The following TBCEL variants were observed in gnomAD, a reference collection of about 807,000 sequenced individuals.
The protein encoded by TBCEL is tubulin folding cofactor E like, also known as tubulin-specific chaperone cofactor E-like protein.
TBCEL carries 15 observed loss-of-function variants against 44.2 expected under a neutral mutation model. The ratio of observed to expected loss-of-function variants is 0.34; its 90% CI spans 0.23 to 0.52. TBCEL has a LOEUF of 0.52. Among genes scored for constraint, TBCEL ranks in the 20% least tolerant of loss-of-function variants. The pLI, the probability that TBCEL is intolerant of heterozygous loss-of-function variation, is 0.95. For synonymous variants in TBCEL, 171 were observed against 185.4 expected (o/e 0.92, Z 0.63); for missense variants, 319 against 506.3 (o/e 0.63, Z 3.55).
chr11:121,071,807 T>G (rs927162396), intron 8 of TBCEL, among the ~76,000 whole-genome samples: 1 of 152,218 alleles, frequency 6.6e-6, no homozygotes, highest in Admixed American at 6.5e-5. Flanking sequence ...ACCACCTCAA[T>G]GAAGGCTTAT....
intron 8 of TBCEL, among the ~76,000 whole-genome samples, chr11:121,074,234 A>G (rs555791885): frequency 1.3e-5 from 2 of 152,008 alleles, no homozygotes; most frequent in Non-Finnish European, 2.9e-5. Context: ...TTTAAAAAGG[A>G]TGTATACTAC....
intron 2 of TBCEL, among the ~76,000 whole-genome samples, chr11:121,043,021 A>G (rs1945362063): frequency 6.6e-6 from 1 of 152,142 alleles, no homozygotes; most frequent in African/African-American, 2.4e-5. Flanking sequence ...TAATCCAACT[A>G]GTGCATTTGT....
chr11:121,060,150 T>C, intron 8 of TBCEL, 65 bp downstream of exon 8: 2 of 1,118,570 alleles, frequency 1.8e-6, no homozygotes, highest in Admixed American at 1.9e-5. Context: ...ACTCTAGTGT[T>C]AGAGCAAAAT....
intron 1 of TBCEL, among the ~76,000 whole-genome samples, chr11:121,034,868 C>T (rs150738894): frequency 6.6e-6 from 1 of 152,168 alleles, no homozygotes; most frequent in East Asian, 1.9e-4. Context: ...TCTGAAAACG[C>T]TTCATCTCTA....
At chr11:121,024,568 T>G (rs1403842177) in intron 1 of TBCEL, among the ~76,000 whole-genome samples, 3 of 150,652 alleles carry the variant, frequency 2.0e-5, no homozygotes, top group African/African-American at 4.9e-5. Flanking sequence ...TGGTCCCGGG[T>G]TGGAGGAGGG....
At chr11:121,080,549 A>G (rs926460098) in intron 8 of TBCEL, among the ~76,000 whole-genome samples, 4 of 152,320 alleles carry the variant, frequency 2.6e-5, no homozygotes, top group South Asian at 2.1e-4. Context: ...CTGATTCTAG[A>G]CAAAGTTTCA....
At chr11:121,057,540 AG>A (rs1355401406) in intron 6 of TBCEL, 3 of 448,380 alleles carry the variant, frequency 6.7e-6, no homozygotes, top group Non-Finnish European at 8.9e-6. Context: ...TTGATAATAC[AG>A]TCAACCCTCC....
chr11:121,039,780 A>G (rs1945298880), intron 2 of TBCEL, among the ~76,000 whole-genome samples: 1 of 152,220 alleles, frequency 6.6e-6, no homozygotes, highest in African/African-American at 2.4e-5. Flanking sequence ...GACCCAAGGA[A>G]CCTAAAGGTG....
intron 8 of TBCEL, among the ~76,000 whole-genome samples, chr11:121,076,510 A>G (rs1368904206): frequency 6.6e-6 from 1 of 152,004 alleles, no homozygotes; most frequent in Non-Finnish European, 1.5e-5. Flanking sequence ...TGGTATTTGT[A>G]ATTGACTTTG....
At chr11:121,071,327 T>C (rs1012469845) in intron 8 of TBCEL, among the ~76,000 whole-genome samples, 2 of 152,230 alleles carry the variant, frequency 1.3e-5, no homozygotes, top group Non-Finnish European at 2.9e-5. Flanking sequence ...CAGCATATCA[T>C]GTATCTTTGG....
intron 8 of TBCEL, among the ~76,000 whole-genome samples, chr11:121,083,538 C>T (rs1273677738): frequency 6.6e-6 from 1 of 152,148 alleles, no homozygotes; most frequent in African/African-American, 2.4e-5. Flanking sequence ...TTTAGATGTA[C>T]TTGCCCATTT....
In TBCEL at chr11:121,087,140, C is replaced by T. The variant is rs753158839; in HGVS notation, c.*44C>T. On this transcript the variant is annotated 3_prime_UTR_variant, in exon 9 of 9. Transcript: ENST00000683345. ...AAAACATACACATAAGGACTTGTTG[C>T]AGGGCATTTGTTTTTAATGTGGTTT... 6.5e-6 allele frequency: 10 copies of T among 1,541,964 alleles called. No individual in the cohort carries two copies. The highest frequency in any genetic ancestry group is 8.8e-6 in the Non-Finnish European group (10 of 1,138,780).
chr11:121,075,308 T>C (rs1407019391), intron 8 of TBCEL, among the ~76,000 whole-genome samples: 1 of 151,944 alleles, frequency 6.6e-6, no homozygotes, highest in Non-Finnish European at 1.5e-5. Flanking sequence ...GACAGCTTTT[T>C]CAATGGACAG....
chr11:121,072,991 G>GTTCT (rs1945964756), intron 8 of TBCEL, among the ~76,000 whole-genome samples: 1 of 152,008 alleles, frequency 6.6e-6, no homozygotes, highest in South Asian at 2.1e-4. Flanking sequence ...TCAGGACCCT[G>GTTCT]TTCTATTCCA....
intron 2 of TBCEL, among the ~76,000 whole-genome samples, chr11:121,039,120 C>A (rs757380636): frequency 6.6e-6 from 1 of 152,114 alleles, no homozygotes; most frequent in Admixed American, 6.6e-5. Flanking sequence ...CCTTACTGAC[C>A]GCTGTCACCT....
At chr11:121,082,037 A>C (rs1946135320) in intron 8 of TBCEL, among the ~76,000 whole-genome samples, 2 of 152,244 alleles carry the variant, frequency 1.3e-5, no homozygotes, top group Non-Finnish European at 2.9e-5. Context: ...TGGTGATGAC[A>C]CAAAATAAGG....
Position 121,087,025 on chromosome 11 carries a change from A to G in TBCEL, c.1204A>G (p.Ser402Gly). 6.2e-7 allele frequency: 1 copy of G among 1,614,148 alleles called. No individual in the cohort carries two copies. The highest frequency in any genetic ancestry group is 8.5e-7 in the Non-Finnish European group (1 of 1,179,990). ...CTTTGGCCCAGAGGAAATGAAGTAC[A>G]GCTCTCGGGCATTGCATTCCTTTGG... The part of the protein sequence containing the change: ...APFGPEEMKY[S>G]SRALHSFGIR... Residue 402 changes from serine to glycine, a missense_variant, in exon 9 of 9, where the codon AGC (serine) becomes GGC (glycine). Physicochemically the swap from Ser to Gly is moderately conservative, Grantham distance 56. Coordinates refer to ENST00000683345, the MANE Select transcript of TBCEL (RefSeq NM_001363644.2).
intron 8 of TBCEL, 112 bp downstream of exon 8, chr11:121,060,197 T>G (rs1945695157): frequency 2.9e-6 from 2 of 693,422 alleles, no homozygotes; most frequent in South Asian, 3.9e-5. Context: ...TAGAGAACTT[T>G]GTTAATACGT....
intron 2 of TBCEL, among the ~76,000 whole-genome samples, chr11:121,041,811 A>G (rs779656634): frequency 1.6e-4 from 24 of 151,930 alleles, no homozygotes; most frequent in South Asian, 4.2e-4. Flanking sequence ...CTAATTCAAA[A>G]CCTATGTATT....
Sources: gnomAD v4.1 joint callset for allele counts (sites outside exome capture counted in the v4.1 genomes callset) on GRCh38, gnomAD v4.1.1 for gene constraint, MANE v1.5 for transcripts, NCBI Gene and HGNC (gene_info 2026-07-23, HGNC 2026-07-21) for gene names.